CNTN6: variants seen among roughly 807,000 people sequenced by gnomAD.
CNTN6 encodes contactin 6.
In CNTN6, 137 loss-of-function variants were observed where a neutral mutation model predicts 122.8. That is an observed-to-expected ratio of 1.12 (90% CI 0.97 to 1.29). The LOEUF is 1.29. CNTN6 is among the 50% of genes most tolerant of loss of function. The probability of loss-of-function intolerance (pLI) is 0.00; values close to 1 mark genes in which losing one functional copy is unlikely to be tolerated. For synonymous variants in CNTN6, 570 were observed against 426.0 expected, an observed-to-expected ratio of 1.34 and a Z score of -4.16; for missense variants, 1,634 against 1,223.4, an observed-to-expected ratio of 1.34 and a Z score of -5.01.
chr3:1,104,896 A>T (rs1376174701), intron 1 of CNTN6, among the ~76,000 whole-genome samples: 1 of 152,148 alleles, frequency 6.6e-6, no homozygotes, highest in Non-Finnish European at 1.5e-5. Flanking sequence ...TTTTCACCAG[A>T]TGGGTGTTCC....
At chr3:1,150,671 T>C (rs779705000) in intron 2 of CNTN6, among the ~76,000 whole-genome samples, 11 of 152,212 alleles carry the variant, frequency 7.2e-5, no homozygotes, top group Non-Finnish European at 1.2e-4. Flanking sequence ...TTATATACTT[T>C]TTAACTGTTT....
intron 2 of CNTN6, among the ~76,000 whole-genome samples, chr3:1,182,886 C>G (rs1328882695): frequency 6.6e-6 from 1 of 152,012 alleles, no homozygotes; most frequent in East Asian, 1.9e-4. Flanking sequence ...GAGGTCTATT[C>G]TATACCTTTT....
chr3:1,299,199 G>A (rs1352930050), intron 7 of CNTN6, among the ~76,000 whole-genome samples: 6 of 152,118 alleles, frequency 3.9e-5, no homozygotes, highest in Non-Finnish European at 5.9e-5. Context: ...TCTTAAGAAA[G>A]TGACAAATAG....
At chr3:1,171,197 A>C (rs1485071282) in intron 2 of CNTN6, among the ~76,000 whole-genome samples, 3 of 152,190 alleles carry the variant, frequency 2.0e-5, no homozygotes, top group African/African-American at 7.2e-5. Context: ...TCAATGTTAA[A>C]ATGGACAGGG....
intron 2 of CNTN6, among the ~76,000 whole-genome samples, chr3:1,200,045 CT>C (rs890859686): frequency 7.3e-5 from 11 of 151,652 alleles, no homozygotes; most frequent in African/African-American, 1.9e-4. Flanking sequence ...ATATATATGT[CT>C]TTTTTTTAGA....
At chr3:1,238,685 A>G (rs1173966501) in intron 4 of CNTN6, among the ~76,000 whole-genome samples, 1 of 152,194 alleles carries the variant, frequency 6.6e-6, no homozygotes, top group Non-Finnish European at 1.5e-5. Flanking sequence ...AGACCATACG[A>G]TAGGCCACAA....
chr3:1,365,122 A>G (rs1053073362), intron 12 of CNTN6, among the ~76,000 whole-genome samples: 2 of 152,028 alleles, frequency 1.3e-5, no homozygotes, highest in African/African-American at 4.8e-5. Flanking sequence ...ACACAGAAGT[A>G]GAGGTGATAG....
chr3:1,385,058 T>TTA (rs1018012735), intron 19 of CNTN6, among the ~76,000 whole-genome samples: 4 of 152,104 alleles, frequency 2.6e-5, no homozygotes, highest in Non-Finnish European at 4.4e-5. Flanking sequence ...ATTCTGTGAC[T>TTA]TATTTTCACA....
chr3:1,127,541 C>T (rs1358115736), intron 1 of CNTN6, among the ~76,000 whole-genome samples: 1 of 151,820 alleles, frequency 6.6e-6, no homozygotes, highest in South Asian at 2.1e-4. Flanking sequence ...CAGTAAAAGC[C>T]GTAAATGATA....
chr3:1,367,919 G>A (rs528567908), intron 12 of CNTN6, among the ~76,000 whole-genome samples: 3 of 152,274 alleles, frequency 2.0e-5, no homozygotes, highest in African/African-American at 4.8e-5. Context: ...ATACCTCGCC[G>A]GAGGCTGTCT....
chr3:1,280,496 G>T (rs6805276), intron 5 of CNTN6, among the ~76,000 whole-genome samples: 68,639 of 115,274 alleles, frequency 0.6, 19,894 homozygotes, highest in Middle Eastern at 0.65. Flanking sequence ...ATAGCATCTC[G>T]CTCTGTCTCC....
chr3:1,367,017 T>A (rs78285477), intron 12 of CNTN6, among the ~76,000 whole-genome samples: 4,010 of 152,274 alleles, frequency 0.026, 58 homozygotes, highest in Non-Finnish European at 0.032. Flanking sequence ...AAAAAATGCA[T>A]TTCTAAAATT....
chr3:1,313,797 G>C (rs919135628), intron 7 of CNTN6, among the ~76,000 whole-genome samples: 1 of 152,056 alleles, frequency 6.6e-6, no homozygotes, highest in African/African-American at 2.4e-5. Flanking sequence ...AGTTCTGGAG[G>C]CTGGGAAGTC....
At chr3:1,206,861 T>C (rs1310219141) in intron 2 of CNTN6, among the ~76,000 whole-genome samples, 1 of 152,166 alleles carries the variant, frequency 6.6e-6, no homozygotes, top group Non-Finnish European at 1.5e-5. Flanking sequence ...TAATTTTAGA[T>C]TCTAGTCCAT....
chr3:1,379,581 A>G (rs1710361722), intron 17 of CNTN6, among the ~76,000 whole-genome samples: 1 of 150,532 alleles, frequency 6.6e-6, no homozygotes, highest in Non-Finnish European at 1.5e-5. Flanking sequence ...TAAAAGTTGA[A>G]TTTTTTTTTT....
chr3:1,111,856 T>G lies in CNTN6; in HGVS notation c.-83+18736T>G, dbSNP rs556598782. 4.0e-4 allele frequency among the ~76,000 whole-genome samples: 61 copies of G among 152,260 alleles called. No individual in the cohort carries two copies. The South Asian group carries it at 0.011, about 27-fold the overall frequency. Reference sequence around the variant, plus strand: ...AGTTGTGCCGTGCCCAGTGGTAGTATGCTTGTTGTAAGTAGAAGTGGGTAC... The same window carrying G: ...AGTTGTGCCGTGCCCAGTGGTAGTAGGCTTGTTGTAAGTAGAAGTGGGTAC... On this transcript the variant is annotated intron_variant, in intron 1 of 22. Coordinates refer to ENST00000446702, the MANE Select transcript of CNTN6 (RefSeq NM_001289080.2).
At chr3:1,345,174 T>TA (rs1704487895) in intron 11 of CNTN6, among the ~76,000 whole-genome samples, 1 of 151,786 alleles carries the variant, frequency 6.6e-6, no homozygotes, top group African/African-American at 2.4e-5. Flanking sequence ...TGTAGTGCGG[T>TA]GGCACGATCT....
At chr3:1,321,293 C>CT (rs1700808880) in intron 7 of CNTN6, among the ~76,000 whole-genome samples, 1 of 151,714 alleles carries the variant, frequency 6.6e-6, no homozygotes, top group Non-Finnish European at 1.5e-5. Flanking sequence ...TCTCTGCACT[C>CT]TATTTCTTTT....
intron 11 of CNTN6, among the ~76,000 whole-genome samples, chr3:1,348,157 CA>C (rs532282828): frequency 0.016 from 1,043 of 64,294 alleles, 22 homozygotes; most frequent in African/African-American, 0.054. Flanking sequence ...ATGCTATAGA[CA>C]AAAAAAAAAA....
Sources: allele counts gnomAD v4.1 joint callset (sites outside exome capture counted in the v4.1 genomes callset), GRCh38; gene constraint gnomAD v4.1.1; transcripts MANE v1.5; gene names NCBI Gene and HGNC (gene_info 2026-07-23, HGNC 2026-07-21).